UBE2Q1: variants seen among roughly 807,000 people sequenced by gnomAD.
UBE2Q1 encodes ubiquitin-conjugating enzyme E2 Q1.
In UBE2Q1, 6 loss-of-function variants were observed where a neutral mutation model predicts 60.1. The ratio of observed to expected loss-of-function variants is 0.10; its 90% CI spans 0.05 to 0.20. UBE2Q1 has a LOEUF of 0.20. UBE2Q1 is among the 10% of genes least tolerant of loss of function. The pLI is 1.00. For synonymous variants in UBE2Q1, 226 were observed against 208.3 expected (o/e 1.09, Z -0.73); for missense variants, 262 against 525.8 (o/e 0.50, Z 4.91).
In UBE2Q1 at chr1:154,558,616, CG is replaced by C; in HGVS notation, c.-64del. 2.6e-5 allele frequency: 1 copy of C among 38,740 alleles called. No individual in the cohort carries two copies. Among genetic ancestry groups the C allele is most frequent in the Non-Finnish European group, 3.3e-5 (1 of 30,332 alleles). 2.4% of individuals were successfully genotyped at this position (38,740 alleles called of 1,614,324 possible). A position where few individuals can be genotyped will look rare whatever the true frequency, so the allele number is the denominator to read the frequency against. The stretch of plus-strand genomic sequence containing the variant: ...AGCCTCCGGCCTGCGCTCCGGGCTC[CG>C]CCGCCGCCGCCGCCGCCGCCGCCGC... On this transcript the variant is annotated 5_prime_UTR_variant, in exon 1 of 13. Coordinates refer to ENST00000292211, the MANE Select transcript of UBE2Q1 (RefSeq NM_017582.7).
chr1:154,551,040 A>G (rs770838884), intron 11 of UBE2Q1, 36 bp from the exon 12 acceptor site: 10 of 1,612,932 alleles, frequency 6.2e-6, no homozygotes, highest in Non-Finnish European at 8.5e-6. Context: ...GGCCATGGCT[A>G]GCTGTGGCCT....
Position 154,552,976 on chromosome 1 carries a change from C to G in UBE2Q1, c.729+56G>C. 1.9e-6 allele frequency: 3 copies of G among 1,607,322 alleles called. No homozygotes were observed. In the South Asian group the frequency reaches 3.3e-5, roughly 18 times the overall value. ...CATACTGAGATGCGATGGCCTACTACTTCCCAGCCATTTCCCACCAACCCC... is the reference window on the plus strand; with the variant it reads ...CATACTGAGATGCGATGGCCTACTAGTTCCCAGCCATTTCCCACCAACCCC... On this transcript the variant is annotated intron_variant, in intron 5 of 12. Transcript: ENST00000292211.
chr1:154,554,967 C>T (rs1054440091), intron 3 of UBE2Q1, 182 bp from the exon 4 acceptor site: 1 of 610,778 alleles, frequency 1.6e-6, no homozygotes, highest in African/African-American at 1.9e-5. Flanking sequence ...TGCTACCAGC[C>T]CATTATTTTT....
Position 154,558,623 on chromosome 1 carries a change from G to GC in UBE2Q1, c.-71dup. Reference sequence around the variant, plus strand: ...GGCCTGCGCTCCGGGCTCCGCCGCCGCCGCCGCCGCCGCCGCCGCCGCCGC... The same window carrying GC: ...GGCCTGCGCTCCGGGCTCCGCCGCCGCCCGCCGCCGCCGCCGCCGCCGCCGC... On this transcript the variant is annotated 5_prime_UTR_variant, in exon 1 of 13. Transcript: ENST00000292211. The GC allele has an allele frequency of 1.0e-6, 1 of 969,766 alleles. No homozygotes were observed. The highest frequency in any genetic ancestry group is 1.2e-6 in the Non-Finnish European group (1 of 825,110). 60.1% of individuals were successfully genotyped at this position (969,766 alleles called of 1,614,324 possible). A position where few individuals can be genotyped will look rare whatever the true frequency, so the allele number is the denominator to read the frequency against.
At chr1:154,555,716 G>A in intron 2 of UBE2Q1, 144 bp downstream of exon 2, 1 of 888,116 alleles carries the variant, frequency 1.1e-6, no homozygotes, top group Non-Finnish European at 1.8e-6. Flanking sequence ...TCTCCCTCTG[G>A]CTTCAGTAAG....
At position 154,558,500 on chromosome 1, in the gene UBE2Q1, C is replaced by T. The variant is rs1303169363; in HGVS notation, c.54G>A (p.Leu18=). Residue 18 remains leucine, a synonymous_variant, in exon 1 of 13, where the codon CTG becomes CTA. Coordinates refer to ENST00000292211, the MANE Select transcript of UBE2Q1 (RefSeq NM_017582.7). ...CCCCCGGCGCCGCCCCCTGGCCCCC[C>T]AGCTGCTGCCCCGGCCCCGGCTGCT... ...GQQQPGPGQQ[L]GGQGAAPGAG... The T allele has an allele frequency of 8.3e-7, 1 of 1,207,108 alleles. No individual in the cohort carries two copies. Among genetic ancestry groups the T allele is most frequent in the Non-Finnish European group, 1.0e-6 (1 of 977,362 alleles). The allele number at this position is 1,207,108 out of a possible 1,614,324, so 74.8% of individuals were successfully genotyped here. A position where few individuals can be genotyped will look rare whatever the true frequency, so the allele number is the denominator to read the frequency against.
Position 154,551,832 on chromosome 1 carries a change from G to A in UBE2Q1, c.1026-13C>T, listed in dbSNP as rs376768693. ...GCCCAGAACATACCTGCATGAGAAA[G>A]GTTAGTCAGCTGTGCCTGACAAAAT... On this transcript the variant is annotated splice_polypyrimidine_tract_variant and intron_variant, in intron 9 of 12. Transcript: ENST00000292211. 2.2e-5 allele frequency: 36 copies of A among 1,614,216 alleles called. No homozygotes were observed. Among genetic ancestry groups the A allele is most frequent in the Non-Finnish European group, 2.9e-5 (34 of 1,180,032 alleles).
rs1252851533 is a variant in UBE2Q1, at chr1:154,558,219, G to A, written c.327+8C>T. ...CCCCCACAGAGGCGCACGCGAGGGG[G>A]TCCTCACCGTGATGTTGCAGTGGAT... On this transcript the variant is annotated splice_region_variant and intron_variant, in intron 1 of 12. Coordinates refer to ENST00000292211, the MANE Select transcript of UBE2Q1 (RefSeq NM_017582.7). The A allele has an allele frequency of 1.4e-5, 22 of 1,524,144 alleles. 1 individual carries two copies. Among genetic ancestry groups the A allele is most frequent in the Non-Finnish European group, 1.4e-5 (16 of 1,136,788 alleles). 94.4% of individuals were successfully genotyped at this position (1,524,144 alleles called of 1,614,324 possible).
rs542884329 is a variant in UBE2Q1, at chr1:154,549,143, CAA to C, written c.*1293_*1294del. On this transcript the variant is annotated 3_prime_UTR_variant, in exon 13 of 13. Transcript: ENST00000292211. ...CTGAGTCCCAGAGCAAGCTTACAGA[CAA>C]AGAGATGCAGGCAGCACCCGCTAGA... 9 of 152,270 alleles carry C rather than the reference CAA, an allele frequency of 5.9e-5. No individual in the cohort carries two copies. The highest frequency in any genetic ancestry group is 1.2e-4 in the African/African-American group (5 of 41,434). The allele number at this position is 152,270 out of a possible 1,614,324, so 9.4% of individuals were successfully genotyped here. A position where few individuals can be genotyped will look rare whatever the true frequency, so the allele number is the denominator to read the frequency against.
chr1:154,551,510 C>T lies in UBE2Q1; in HGVS notation c.1075-18G>A. ...CTCCAGCCCTGGGTGAAGGGAAGGA[C>T]AAGGCAAGCAGGTCCAGATGGAGCT... On this transcript the variant is annotated intron_variant, in intron 10 of 12. Transcript: ENST00000292211. 6.2e-7 allele frequency: 1 copy of T among 1,612,764 alleles called. No individual in the cohort carries two copies. The highest frequency in any genetic ancestry group is 8.5e-7 in the Non-Finnish European group (1 of 1,178,916).
chr1:154,553,428 G>A (rs970098592), intron 4 of UBE2Q1, among the ~76,000 whole-genome samples: 2 of 152,186 alleles, frequency 1.3e-5, no homozygotes, highest in Non-Finnish European at 2.9e-5. Context: ...AGCTGAGATC[G>A]AGGCAGGGAC....
rs1329952744 is a variant in UBE2Q1 at position 154,550,226 on chromosome 1, TGTAAGTCAGTCTTGA to T, written c.*197_*211del. On this transcript the variant is annotated 3_prime_UTR_variant, in exon 13 of 13. Transcript: ENST00000292211. ...GTTCCAGCAAGGTGGTTGGTTGGTC[TGTAAGTCAGTCTTGA>T]GTACTTGAAACAGTTCTGTGTTTGT... 1 of 631,766 alleles carries T rather than the reference TGTAAGTCAGTCTTGA, an allele frequency of 1.6e-6. No homozygotes were observed. Among genetic ancestry groups the T allele is most frequent in the East Asian group, 2.9e-5 (1 of 34,214 alleles). 39.1% of individuals were successfully genotyped at this position (631,766 alleles called of 1,614,324 possible).
Position 154,553,027 on chromosome 1 carries a change from C to T in UBE2Q1, c.729+5G>A. 1 of 1,613,866 alleles carries T rather than the reference C, an allele frequency of 6.2e-7. No individual in the cohort carries two copies. On this transcript the variant is annotated splice_donor_5th_base_variant and intron_variant, in intron 5 of 12. Coordinates refer to ENST00000292211, the MANE Select transcript of UBE2Q1 (RefSeq NM_017582.7). ...TTCACCAGCCTCTCTCTAGAAGGCA[C>T]GTACATTTAAGTAATCTTGCCTCTG...
At position 154,552,094 on chromosome 1, in the gene UBE2Q1, T is replaced by A. The variant is rs760934058; in HGVS notation, c.965A>T (p.Lys322Ile). Reference sequence around the variant, plus strand: ...GAGACTGGAAAAGAAAAGTCTTACTTTAAAGGAAAAGTTAAGTAGAATGAA... The same window carrying A: ...GAGACTGGAAAAGAAAAGTCTTACTATAAAGGAAAAGTTAAGTAGAATGAA... ...ADFILLNFSF[K>I]DNFPFDPPFV... The change falls in exon 8 of 13, where the codon AAA (lysine) becomes ATA (isoleucine). Residue 322 changes from lysine to isoleucine, a missense_variant and splice_region_variant. Physicochemically the swap from Lys to Ile is moderately radical, Grantham distance 102. Transcript: ENST00000292211. 6.2e-7 allele frequency: 1 copy of A among 1,614,130 alleles called. No individual in the cohort carries two copies. Among genetic ancestry groups the A allele is most frequent in the Non-Finnish European group, 8.5e-7 (1 of 1,180,022 alleles).
intron 6 of UBE2Q1, 136 bp from the exon 7 acceptor site, chr1:154,552,600 A>T: frequency 7.0e-7 from 1 of 1,430,742 alleles, no homozygotes; most frequent in Non-Finnish European, 9.6e-7. Context: ...CAACCAAGCC[A>T]CTGGCTTGAG....
At chr1:154,554,166 G>A (rs770664556) in intron 4 of UBE2Q1, among the ~76,000 whole-genome samples, 6 of 152,172 alleles carry the variant, frequency 3.9e-5, no homozygotes, top group Non-Finnish European at 8.8e-5. Context: ...CGGAAGCTGA[G>A]TCTAGTGAGG....
rs1695930154 is a variant in UBE2Q1, at chr1:154,558,418, T to G, written c.136A>C (p.Lys46Gln). 1 of 1,514,848 alleles carries G rather than the reference T, an allele frequency of 6.6e-7. No homozygotes were observed. Among genetic ancestry groups the G allele is most frequent in the Non-Finnish European group, 8.8e-7 (1 of 1,134,804 alleles). The allele number at this position is 1,514,848 out of a possible 1,614,324, so 93.8% of individuals were successfully genotyped here. The change falls in exon 1 of 13, where the codon AAG becomes CAG. Residue 46 changes from lysine (K) to glutamine (Q), a missense_variant. Coordinates refer to ENST00000292211, the MANE Select transcript of UBE2Q1 (RefSeq NM_017582.7). Reference sequence around the variant, plus strand: ...CGGTGGAAGATGGACTCGAGCAGCTTCAGCTCTCGCCTCAGGCAGGGCCCC... The same window carrying G: ...CGGTGGAAGATGGACTCGAGCAGCTGCAGCTCTCGCCTCAGGCAGGGCCCC... ...GPGPCLRREL[K>Q]LLESIFHRGH... is the part of the protein sequence containing the mutation.
Position 154,552,487 on chromosome 1 carries a change from T to C in UBE2Q1, c.815-23A>G, listed in dbSNP as rs769085788. ...TTCCTGGAAGGAGGGAAAAAACAGGTGTTAGTAGAATGGTCCAGGTGGTGA... is the reference window on the plus strand; with the variant it reads ...TTCCTGGAAGGAGGGAAAAAACAGGCGTTAGTAGAATGGTCCAGGTGGTGA... On this transcript the variant is annotated intron_variant, in intron 6 of 12. Transcript: ENST00000292211. 4.3e-6 allele frequency: 7 copies of C among 1,613,814 alleles called. No homozygotes were observed. The African/African-American group carries it at 9.3e-5, about 22-fold the overall frequency.
At chr1:154,552,610 G>A in intron 6 of UBE2Q1, 126 bp downstream of exon 6, 2 of 1,422,058 alleles carry the variant, frequency 1.4e-6, no homozygotes, top group South Asian at 1.3e-5. Context: ...ACTGGCTTGA[G>A]GAGCTCCATT....
Sources: gnomAD v4.1 joint callset for allele counts (sites outside exome capture counted in the v4.1 genomes callset) on GRCh38, gnomAD v4.1.1 for gene constraint, MANE v1.5 for transcripts, NCBI Gene and HGNC (gene_info 2026-07-23, HGNC 2026-07-21) for gene names.